NT5C2: variants seen among roughly 807,000 people sequenced by gnomAD.
NT5C2 encodes the protein 5'-nucleotidase, cytosolic II, also known as cytosolic purine 5'-nucleotidase.
A neutral mutation model predicts 76.1 loss-of-function variants in NT5C2; 58 were observed. The ratio of observed to expected loss-of-function variants is 0.76; its 90% CI spans 0.62 to 0.95. The LOEUF is 0.95. NT5C2 is among the 40% of genes least tolerant of loss of function. The pLI, the probability that NT5C2 is intolerant of heterozygous loss-of-function variation, is 0.00. For synonymous variants in NT5C2, 229 were observed against 237.4 expected (o/e 0.96, Z 0.32); for missense variants, 478 against 690.3 (o/e 0.69, Z 3.45).
chr10:103,178,284 A>G (rs1591810679), intron 2 of NT5C2, among the ~76,000 whole-genome samples: 2 of 152,376 alleles, frequency 1.3e-5, no homozygotes, highest in East Asian at 1.9e-4. Context: ...GCAGTGGCTC[A>G]TGCCTATAAT....
intron 4 of NT5C2, among the ~76,000 whole-genome samples, chr10:103,133,086 T>C (rs571511433): frequency 7.9e-5 from 12 of 152,260 alleles, no homozygotes; most frequent in African/African-American, 2.9e-4. Context: ...CACAGGGGTG[T>C]GTCTTTCCTC....
At chr10:103,103,333 C>T (rs1181230032) in intron 6 of NT5C2, among the ~76,000 whole-genome samples, 1 of 152,168 alleles carries the variant, frequency 6.6e-6, no homozygotes, top group African/African-American at 2.4e-5. Context: ...ATCTTATCTT[C>T]TAGCTTTCCA....
intron 3 of NT5C2, among the ~76,000 whole-genome samples, chr10:103,156,607 T>C (rs1362368408): frequency 2.7e-5 from 4 of 150,118 alleles, no homozygotes; most frequent in Non-Finnish European, 5.9e-5. Flanking sequence ...AATATGAAAT[T>C]AGCCAGGCAT....
intron 4 of NT5C2, among the ~76,000 whole-genome samples, chr10:103,129,140 G>A (rs1377452885): frequency 1.8e-4 from 19 of 107,170 alleles, no homozygotes; most frequent in African/African-American, 3.6e-4. Flanking sequence ...TCAGCCCCCC[G>A]CCCGGCCAGC....
chr10:103,152,997 TA>T (rs1356056964), intron 3 of NT5C2, among the ~76,000 whole-genome samples: 2 of 152,240 alleles, frequency 1.3e-5, no homozygotes, highest in African/African-American at 2.4e-5. Context: ...CCAATCTTGA[TA>T]AATACATTCT....
intron 3 of NT5C2, among the ~76,000 whole-genome samples, chr10:103,163,352 C>T (rs2085411645): frequency 6.6e-6 from 1 of 152,108 alleles, no homozygotes; most frequent in Admixed American, 6.6e-5. Flanking sequence ...TAAGAAACTG[C>T]CAAACTGTTT....
chr10:103,144,941 C>G (rs1427488180), intron 3 of NT5C2, among the ~76,000 whole-genome samples: 1 of 152,146 alleles, frequency 6.6e-6, no homozygotes, highest in Non-Finnish European at 1.5e-5. Flanking sequence ...ACTTCTGTCT[C>G]CCCCCAATTC....
intron 4 of NT5C2, among the ~76,000 whole-genome samples, chr10:103,138,897 C>T (rs2079847452): frequency 6.6e-6 from 1 of 152,082 alleles, no homozygotes; most frequent in South Asian, 2.1e-4. Context: ...ATCCCAGCTA[C>T]CTGGGAGGCT....
At chr10:103,138,603 G>A (rs999361318) in intron 4 of NT5C2, among the ~76,000 whole-genome samples, 2 of 152,156 alleles carry the variant, frequency 1.3e-5, no homozygotes, top group African/African-American at 4.8e-5. Flanking sequence ...CCTGCAAAAG[G>A]CACAAACTCA....
intron 6 of NT5C2, among the ~76,000 whole-genome samples, chr10:103,104,953 T>C (rs868527026): frequency 2.0e-5 from 3 of 152,278 alleles, no homozygotes; most frequent in Middle Eastern, 3.4e-3. Context: ...ACAATGTCAA[T>C]AGTAAATAAG....
intron 4 of NT5C2, 68 bp downstream of exon 4, chr10:103,139,338 G>A: frequency 3.1e-6 from 3 of 971,990 alleles, no homozygotes; most frequent in Non-Finnish European, 4.6e-6. Flanking sequence ...CAATTGAATT[G>A]CCTACTGTGA....
chr10:103,117,263 A>G (rs1456488152), intron 4 of NT5C2, among the ~76,000 whole-genome samples: 1 of 152,256 alleles, frequency 6.6e-6, no homozygotes, highest in African/African-American at 2.4e-5. Context: ...AAAATAATCA[A>G]ACTGTATTAT....
chr10:103,104,909 T>G (rs923453151), intron 6 of NT5C2, among the ~76,000 whole-genome samples: 2 of 152,230 alleles, frequency 1.3e-5, no homozygotes, highest in African/African-American at 4.8e-5. Flanking sequence ...ACACATCCTA[T>G]TCTGGTTTTA....
intron 1 of NT5C2, among the ~76,000 whole-genome samples, chr10:103,186,837 C>G (rs1046547937): frequency 2.0e-5 from 3 of 150,138 alleles, no homozygotes; most frequent in African/African-American, 7.4e-5. Flanking sequence ...AGCTTGAACC[C>G]GGGAGATGGA....
intron 5 of NT5C2, 101 bp downstream of exon 5, chr10:103,106,488 G>C: frequency 1.4e-6 from 1 of 737,988 alleles, no homozygotes; most frequent in East Asian, 2.5e-5. Flanking sequence ...TCAATGTTTT[G>C]GGGGGTTTTT....
chr10:103,100,166 G>A (rs1358557575), intron 8 of NT5C2, 147 bp from the exon 9 acceptor site: 8 of 566,564 alleles, frequency 1.4e-5, no homozygotes, highest in Non-Finnish European at 2.5e-5. Flanking sequence ...CCTAATGAAA[G>A]TCCACTTTGA....
chr10:103,138,371 T>C (rs141215758), intron 4 of NT5C2, among the ~76,000 whole-genome samples: 196 of 152,288 alleles, frequency 1.3e-3, no homozygotes, highest in African/African-American at 4.2e-3. Flanking sequence ...TATAAACCCG[T>C]CATCTAGGTT....
intron 5 of NT5C2, among the ~76,000 whole-genome samples, chr10:103,106,053 T>TA (rs1374748138): frequency 6.6e-6 from 1 of 152,222 alleles, no homozygotes; most frequent in Non-Finnish European, 1.5e-5. Context: ...AAACAAGGTA[T>TA]AAAAAACATT....
chr10:103,151,108 C>T (rs1303981267), intron 3 of NT5C2, among the ~76,000 whole-genome samples: 2 of 152,002 alleles, frequency 1.3e-5, no homozygotes, highest in Admixed American at 1.3e-4. Flanking sequence ...GGTCAAGGGT[C>T]AAGGTTCATT....
Sources: gnomAD v4.1 joint callset for allele counts (sites outside exome capture counted in the v4.1 genomes callset) on GRCh38, gnomAD v4.1.1 for gene constraint, MANE v1.5 for transcripts, NCBI Gene and HGNC (gene_info 2026-07-23, HGNC 2026-07-21) for gene names.